Variants in SPINK5 observed in about 807,000 individuals in gnomAD.
SPINK5 encodes the protein serine protease inhibitor Kazal-type 5.
SPINK5 carries 125 observed loss-of-function variants against 151.8 expected under a neutral mutation model. The observed-to-expected ratio is 0.82, with a 90% CI of 0.71 to 0.96. SPINK5 has a LOEUF of 0.96. Among genes scored for constraint, SPINK5 ranks in the 40% least tolerant of loss-of-function variants. The pLI is 0.00. For missense variants in SPINK5, 1,194 were observed against 1,291.9 expected (o/e 0.92, Z 1.16); for synonymous variants, 374 against 395.3 (o/e 0.95, Z 0.64).
intron 4 of SPINK5, among the ~76,000 whole-genome samples, chr5:148,073,914 G>C (rs945787836): frequency 6.1e-5 from 9 of 148,308 alleles, no homozygotes; most frequent in African/African-American, 2.2e-4. Context: ...ATAGCGATGT[G>C]GTTCACTACT....
At chr5:148,125,547 T>C (rs1754408030) in intron 28 of SPINK5, 176 bp from the exon 29 acceptor site, 1 of 1,613,838 alleles carries the variant, frequency 6.2e-7, no homozygotes, top group African/African-American at 1.3e-5. Context: ...AGGTTCAGAA[T>C]GAAGCGGAGG....
At chr5:148,093,020 A>G (rs1189600213) in intron 8 of SPINK5, among the ~76,000 whole-genome samples, 1 of 151,976 alleles carries the variant, frequency 6.6e-6, no homozygotes. Flanking sequence ...CATTTGGGTG[A>G]GAGGGACAAT....
rs2113251808 is a variant in SPINK5, at chr5:148,137,354, C to CCTG, written c.*363_*364insCTG. ...TGCTTTTAAAGAAACTGAATAAACTCTACCCTTTTGTCTTTTTGTGTTGCT... is the reference window on the plus strand; with the variant it reads ...TGCTTTTAAAGAAACTGAATAAACTCCTGTACCCTTTTGTCTTTTTGTGTTGCT... On this transcript the variant is annotated 3_prime_UTR_variant, in exon 33 of 33. Coordinates refer to ENST00000256084, the MANE Select transcript of SPINK5 (RefSeq NM_006846.4). 3.1e-6 allele frequency: 1 copy of CCTG among 320,148 alleles called. No individual in the cohort carries two copies. Among genetic ancestry groups the CCTG allele is most frequent in the African/African-American group, 2.1e-5 (1 of 47,520 alleles). The allele number at this position is 320,148 out of a possible 1,614,324, so 19.8% of individuals were successfully genotyped here.
chr5:148,088,231 AT>A (rs1225967640), intron 5 of SPINK5, among the ~76,000 whole-genome samples: 2 of 151,836 alleles, frequency 1.3e-5, no homozygotes, highest in Non-Finnish European at 2.9e-5. Context: ...AGTGTTATCT[AT>A]TATCCAGTTA....
At chr5:148,122,854 C>T (rs1297925301) in intron 26 of SPINK5, among the ~76,000 whole-genome samples, 1 of 143,524 alleles carries the variant, frequency 7.0e-6, no homozygotes, top group Non-Finnish European at 1.5e-5. Flanking sequence ...CGATAAAGCA[C>T]CTCGCACAAT....
intron 21 of SPINK5, 24 bp from the exon 22 acceptor site, chr5:148,116,346 T>C (rs1754089688): frequency 6.2e-7 from 1 of 1,611,762 alleles, no homozygotes; most frequent in Non-Finnish European, 8.5e-7. Flanking sequence ...TATTGTTCCC[T>C]ACCTCCCACT....
At chr5:148,080,714 A>G (rs1479848815) in intron 4 of SPINK5, among the ~76,000 whole-genome samples, 3 of 151,526 alleles carry the variant, frequency 2.0e-5, no homozygotes, top group Non-Finnish European at 4.4e-5. Flanking sequence ...AGGAGGAAAA[A>G]AATTCATGAA....
At chr5:148,064,242 A>G in intron 1 of SPINK5, 143 bp downstream of exon 1, 1 of 851,734 alleles carries the variant, frequency 1.2e-6, no homozygotes, top group Non-Finnish European at 2.0e-6. Context: ...CAGAGTTCTG[A>G]AGATTTATAT....
chr5:148,120,400 T>G lies in SPINK5; in HGVS notation c.2538+9T>G, dbSNP rs1028065151. 2.5e-6 allele frequency: 4 copies of G among 1,589,798 alleles called. No homozygotes were observed. Among genetic ancestry groups the G allele is most frequent in the Non-Finnish European group, 3.4e-6 (4 of 1,166,544 alleles). On this transcript the variant is annotated intron_variant, in intron 26 of 32. Transcript: ENST00000256084. ...GGAGCAATGACAAAGAGGTAATAGA[T>G]GTTAGACACGCTAATACCTGAATTC...
chr5:148,093,422 T>C (rs1753367293), intron 8 of SPINK5, among the ~76,000 whole-genome samples: 1 of 151,680 alleles, frequency 6.6e-6, no homozygotes, highest in African/African-American at 2.4e-5. Flanking sequence ...CTGTCTAAGG[T>C]GAGGGTGAAA....
intron 12 of SPINK5, 75 bp from the exon 13 acceptor site, chr5:148,100,379 C>A: frequency 6.9e-7 from 1 of 1,455,650 alleles, no homozygotes; most frequent in Non-Finnish European, 9.6e-7. Flanking sequence ...TAGTTTCTGC[C>A]AATGTAGATG....
Position 148,137,084 on chromosome 5 carries a change from G to A in SPINK5, c.*93G>A, listed in dbSNP as rs1754714327. On this transcript the variant is annotated 3_prime_UTR_variant, in exon 33 of 33. Transcript: ENST00000256084. ...CTGTATATACAAAGAATTCTTCGGA[G>A]CTTGTCTTATTTGCTATAGAAAACA... 3 of 1,525,758 alleles carry A rather than the reference G, an allele frequency of 2.0e-6. No individual in the cohort carries two copies. Among genetic ancestry groups the A allele is most frequent in the Non-Finnish European group, 2.7e-6 (3 of 1,101,114 alleles). The allele number at this position is 1,525,758 out of a possible 1,614,324, so 94.5% of individuals were successfully genotyped here.
Position 148,072,078 on chromosome 5 carries a change from C to A in SPINK5, c.210-70C>A, listed in dbSNP as rs1253099971. 18 of 1,455,342 alleles carry A rather than the reference C, an allele frequency of 1.2e-5. No individual in the cohort carries two copies. In the Admixed American group the frequency reaches 2.9e-4, roughly 23 times the overall value. 90.2% of individuals were successfully genotyped at this position (1,455,342 alleles called of 1,614,324 possible). ...GGAGAGCAGTTAAAATTAAGTTTAC[C>A]ATGTTAGCTGTTATTGTTAAAAGTT... is the stretch of plus-strand genomic sequence containing the variant. On this transcript the variant is annotated intron_variant, in intron 3 of 32. Coordinates refer to ENST00000256084, the MANE Select transcript of SPINK5 (RefSeq NM_006846.4).
At chr5:148,097,389 G>GTTAGA (rs951493750) in intron 10 of SPINK5, among the ~76,000 whole-genome samples, 15 of 151,876 alleles carry the variant, frequency 9.9e-5, no homozygotes, top group Admixed American at 9.2e-4. Context: ...TCATAAATAT[G>GTTAGA]TTAGATTACC....
In SPINK5 at chr5:148,089,494, G is replaced by A; in HGVS notation, c.475G>A (p.Asp159Asn). The A allele has an allele frequency of 6.2e-7, 1 of 1,611,688 alleles. No homozygotes were observed. Among genetic ancestry groups the A allele is most frequent in the Non-Finnish European group, 8.5e-7 (1 of 1,178,472 alleles). Residue 159 changes from aspartate to asparagine, a missense_variant and splice_region_variant, in exon 7 of 33, where the codon GAT (aspartate) becomes AAT (asparagine). Asp to Asn is a conservative substitution (Grantham distance 23). Transcript: ENST00000256084. ...TCAAGTTCTTTTCCCTGTTCTTCAG[G>A]ATGTATGCAGTGCTTTTCGGCCCTT... Reference protein sequence around the residue: ...GECKSSNPEQDVCSAFRPFVR... With the variant: ...GECKSSNPEQNVCSAFRPFVR...
chr5:148,072,181 G>C lies in SPINK5; in HGVS notation c.243G>C (p.Arg81Ser). The C allele has an allele frequency of 6.2e-7, 1 of 1,612,400 alleles. No individual in the cohort carries two copies. Among genetic ancestry groups the C allele is most frequent in the Non-Finnish European group, 8.5e-7 (1 of 1,178,802 alleles). The change falls in exon 4 of 33, where the codon AGG becomes AGC. Residue 81 changes from arginine to serine, a missense_variant. Arg to Ser is a moderately radical substitution (Grantham distance 110). Coordinates refer to ENST00000256084, the MANE Select transcript of SPINK5 (RefSeq NM_006846.4). The stretch of plus-strand genomic sequence containing the variant: ...AAGCAAAATCACAGAAGAGGGCCAG[G>C]CATTTAGCAAGAGCTCCCAAGGCTA... ...EKEAKSQKRARHLARAPKATA... is the reference protein window; with the variant it reads ...EKEAKSQKRASHLARAPKATA...
Position 148,098,003 on chromosome 5 carries a change from A to G in SPINK5, c.1010+9A>G, listed in dbSNP as rs570482624. ...ATGTGTCAAGCCTACTTGTGAGTAT[A>G]GAGTTTTAGAATGTCAAAGAAAGAA... On this transcript the variant is annotated intron_variant, in intron 11 of 32. Coordinates refer to ENST00000256084, the MANE Select transcript of SPINK5 (RefSeq NM_006846.4). 4 of 1,610,578 alleles carry G rather than the reference A, an allele frequency of 2.5e-6. No individual in the cohort carries two copies. The highest frequency in any genetic ancestry group is 1.3e-5 in the African/African-American group (1 of 74,896).
Position 148,137,167 on chromosome 5 carries a change from C to A in SPINK5, c.*176C>A. 1.2e-6 allele frequency: 1 copy of A among 802,808 alleles called. No homozygotes were observed. The highest frequency in any genetic ancestry group is 2.1e-6 in the Non-Finnish European group (1 of 487,632). 49.7% of individuals were successfully genotyped at this position (802,808 alleles called of 1,614,324 possible). A position where few individuals can be genotyped will look rare whatever the true frequency, so the allele number is the denominator to read the frequency against. On this transcript the variant is annotated 3_prime_UTR_variant, in exon 33 of 33. Transcript: ENST00000256084. ...TTCAGTCTTTTCCATCTCTTTCCTC[C>A]TAGACTCTGTGATCTGAGGGTATAA...
chr5:148,110,878 G>A (rs61600033), intron 18 of SPINK5, among the ~76,000 whole-genome samples: 22,230 of 151,692 alleles, frequency 0.15, 2,154 homozygotes, highest in East Asian at 0.32. Flanking sequence ...CCTAGGTGAC[G>A]GGTTGATAGG....
Sources: gnomAD v4.1 joint callset for allele counts (sites outside exome capture counted in the v4.1 genomes callset) on GRCh38, gnomAD v4.1.1 for gene constraint, MANE v1.5 for transcripts, NCBI Gene and HGNC (gene_info 2026-07-23, HGNC 2026-07-21) for gene names.